RFX3: variants seen among roughly 807,000 people sequenced by gnomAD.
RFX3 encodes regulatory factor X3.
Under a neutral mutation model 98.6 loss-of-function variants are expected in RFX3, and 14 were observed. The ratio of observed to expected loss-of-function variants is 0.14; its 90% CI spans 0.09 to 0.22. RFX3 has a LOEUF of 0.22. Ranked by LOEUF, RFX3 falls within the 10% of genes least tolerant of loss-of-function variation. The pLI is 1.00. For missense variants in RFX3, 639 were observed against 926.9 expected (o/e 0.69, Z 4.03); for synonymous variants, 383 against 328.4 (o/e 1.17, Z -1.80).
At chr9:3,294,981 C>T (rs1827820234) in intron 5 of RFX3, among the ~76,000 whole-genome samples, 1 of 152,036 alleles carries the variant, frequency 6.6e-6, no homozygotes, top group African/African-American at 2.4e-5. Flanking sequence ...AAAAGTATTA[C>T]AGGCCAAAAT....
chr9:3,502,700 ATTTT>A (rs1048052245), intron 1 of RFX3, among the ~76,000 whole-genome samples: 1 of 151,676 alleles, frequency 6.6e-6, no homozygotes, highest in Non-Finnish European at 1.5e-5. Context: ...TATTTTCACG[ATTTT>A]TTTTTCCTCA....
chr9:3,242,435 T>G (rs890836164), intron 15 of RFX3, among the ~76,000 whole-genome samples: 3 of 152,158 alleles, frequency 2.0e-5, no homozygotes, highest in Non-Finnish European at 4.4e-5. Context: ...CTATCTCGAC[T>G]TGTGATAATA....
intron 1 of RFX3, among the ~76,000 whole-genome samples, chr9:3,515,477 C>T (rs1039668842): frequency 3.3e-5 from 5 of 151,996 alleles, no homozygotes; most frequent in African/African-American, 1.2e-4. Context: ...CCCTACGCCC[C>T]GTAAGTCCCA....
At chr9:3,432,873 G>T (rs2132556552) in intron 1 of RFX3, among the ~76,000 whole-genome samples, 1 of 152,268 alleles carries the variant, frequency 6.6e-6, no homozygotes, top group South Asian at 2.1e-4. Context: ...TGGAAGAAGG[G>T]TTGGTACTGT....
chr9:3,434,330 G>T (rs1844924986), intron 1 of RFX3, among the ~76,000 whole-genome samples: 1 of 152,102 alleles, frequency 6.6e-6, no homozygotes, highest in African/African-American at 2.4e-5. Context: ...ATTATTAAGT[G>T]TGTCATCCTT....
At chr9:3,227,798 G>C (rs187666609) in intron 16 of RFX3, among the ~76,000 whole-genome samples, 223 of 152,256 alleles carry the variant, frequency 1.5e-3, no homozygotes, top group African/African-American at 5.1e-3. Context: ...ATCCTATAGA[G>C]TATATATTTG....
intron 1 of RFX3, among the ~76,000 whole-genome samples, chr9:3,439,732 A>T (rs766232952): frequency 9.9e-5 from 15 of 152,002 alleles, no homozygotes; most frequent in Non-Finnish European, 1.8e-4. Flanking sequence ...CAATACTAAC[A>T]TGTTTCCCAT....
chr9:3,227,016 C>A (rs2130605423), intron 16 of RFX3, among the ~76,000 whole-genome samples: 1 of 152,186 alleles, frequency 6.6e-6, no homozygotes, highest in Admixed American at 6.5e-5. Context: ...TCTTTAGGTC[C>A]TGAGTATGCC....
At chr9:3,448,156 CAT>C (rs1222014090) in intron 1 of RFX3, among the ~76,000 whole-genome samples, 3 of 149,580 alleles carry the variant, frequency 2.0e-5, no homozygotes, top group South Asian at 2.1e-4. Flanking sequence ...AACATAAACA[CAT>C]GATTTAAAAA....
chr9:3,331,669 G>T (rs1003886216), intron 3 of RFX3, among the ~76,000 whole-genome samples: 1 of 151,924 alleles, frequency 6.6e-6, no homozygotes, highest in Non-Finnish European at 1.5e-5. Context: ...CCTCTCAAGA[G>T]CCTTTTGGAA....
At chr9:3,428,942 G>A (rs1844369644) in intron 1 of RFX3, among the ~76,000 whole-genome samples, 1 of 151,422 alleles carries the variant, frequency 6.6e-6, no homozygotes, top group Admixed American at 6.6e-5. Flanking sequence ...AGTGCCAAGG[G>A]CCCATAATAC....
At chr9:3,441,456 G>T (rs962000327) in intron 1 of RFX3, among the ~76,000 whole-genome samples, 2 of 152,128 alleles carry the variant, frequency 1.3e-5, no homozygotes, top group Admixed American at 6.5e-5. Context: ...TATATAATAA[G>T]CTCTAAAAAC....
At chr9:3,303,022 T>C (rs144508991) in intron 4 of RFX3, among the ~76,000 whole-genome samples, 30 of 151,968 alleles carry the variant, frequency 2.0e-4, no homozygotes, top group African/African-American at 7.0e-4. Context: ...GAAGATGTAA[T>C]ACAATTTATC....
At chr9:3,359,929 T>G (rs1836214950) in intron 2 of RFX3, among the ~76,000 whole-genome samples, 2 of 152,304 alleles carry the variant, frequency 1.3e-5, no homozygotes, top group African/African-American at 4.8e-5. Flanking sequence ...CATTAATTTT[T>G]GTTCAAATAT....
chr9:3,391,409 G>A (rs567633086), intron 2 of RFX3, among the ~76,000 whole-genome samples: 2 of 152,202 alleles, frequency 1.3e-5, no homozygotes, highest in African/African-American at 4.8e-5. Flanking sequence ...GGGTCTCCAG[G>A]CAAATATCAC....
chr9:3,467,730 G>C (rs76863076), intron 1 of RFX3, among the ~76,000 whole-genome samples: 1 of 152,134 alleles, frequency 6.6e-6, no homozygotes, highest in Non-Finnish European at 1.5e-5. Context: ...ATGCAACCTG[G>C]AATGGAAAGA....
In RFX3 at chr9:3,257,151, G is replaced by C. The variant is rs761542595; in HGVS notation, c.1654C>G (p.Leu552Val). ...CQCDDNMVQR[L>V]ETDFKMTLQQ... Reference sequence around the variant, plus strand: ...AGAGTCATCTTGAAGTCTGTTTCTAGTCTCTGAACCATGTTGTCATCACAC... The same window carrying C: ...AGAGTCATCTTGAAGTCTGTTTCTACTCTCTGAACCATGTTGTCATCACAC... Residue 552 changes from leucine (L) to valine (V), a missense_variant, in exon 14 of 17, where the codon CTA becomes GTA. Leu to Val is a conservative substitution (Grantham distance 32, BLOSUM62 1). Coordinates refer to ENST00000617270, the MANE Select transcript of RFX3 (RefSeq NM_001282116.2). The C allele has an allele frequency of 2.5e-6, 4 of 1,613,844 alleles. No homozygotes were observed. In the African/African-American group the frequency reaches 5.3e-5, roughly 22 times the overall value.
chr9:3,509,919 T>C (rs1817502736), intron 1 of RFX3, among the ~76,000 whole-genome samples: 1 of 152,004 alleles, frequency 6.6e-6, no homozygotes, highest in African/African-American at 2.4e-5. Flanking sequence ...TCAGTTTTCT[T>C]ACCTATAAGA....
intron 15 of RFX3, among the ~76,000 whole-genome samples, chr9:3,232,276 T>A (rs564753662): frequency 2.9e-4 from 44 of 152,308 alleles, no homozygotes; most frequent in Middle Eastern, 6.8e-3. Context: ...ATAAGGTGTG[T>A]CTGTGGTTCA....
Sources: gnomAD v4.1 joint callset for allele counts (sites outside exome capture counted in the v4.1 genomes callset) on GRCh38, gnomAD v4.1.1 for gene constraint, MANE v1.5 for transcripts, NCBI Gene and HGNC (gene_info 2026-07-23, HGNC 2026-07-21) for gene names.